The following GLDN variants were observed in gnomAD, a reference collection of about 807,000 sequenced individuals.
GLDN encodes gliomedin, also known as collomin.
Under a neutral mutation model 56.5 loss-of-function variants are expected in GLDN, and 47 were observed. That is an observed-to-expected ratio of 0.83 (90% CI 0.66 to 1.06). GLDN has a LOEUF of 1.06. GLDN is among the 50% of genes least tolerant of loss of function. The pLI is 0.00. For missense variants in GLDN, 782 were observed against 714.3 expected, an observed-to-expected ratio of 1.09 and a Z score of -1.08; for synonymous variants, 332 against 278.8, an observed-to-expected ratio of 1.19 and a Z score of -1.90.
chr15:51,405,010 C>CCCCA lies in GLDN; in HGVS notation c.*256_*257insCCCA, dbSNP rs2038345873. 5 of 360,002 alleles carry CCCCA rather than the reference C, an allele frequency of 1.4e-5. No individual in the cohort carries two copies. Among genetic ancestry groups the CCCCA allele is most frequent in the Non-Finnish European group, 2.5e-5 (5 of 199,168 alleles). 22.3% of individuals were successfully genotyped at this position (360,002 alleles called of 1,614,324 possible). A position where few individuals can be genotyped will look rare whatever the true frequency, so the allele number is the denominator to read the frequency against. On this transcript the variant is annotated 3_prime_UTR_variant, in exon 10 of 10. Transcript: ENST00000335449. ...GGGCCTTAGTTTCCCCATTGGTAATCTGAATTGGCTAAGATGATTGGGGAG... is the reference window on the plus strand; with the variant it reads ...GGGCCTTAGTTTCCCCATTGGTAATCCCCATGAATTGGCTAAGATGATTGGGGAG...
intron 1 of GLDN, among the ~76,000 whole-genome samples, chr15:51,364,149 A>G (rs1200505991): frequency 6.6e-6 from 1 of 152,040 alleles, no homozygotes; most frequent in African/African-American, 2.4e-5. Flanking sequence ...TTTTTTTGCC[A>G]TTGGTACTTC....
intron 3 of GLDN, 51 bp from the exon 4 acceptor site, chr15:51,383,733 TA>T (rs1274536365): frequency 6.0e-6 from 8 of 1,323,242 alleles, no homozygotes; most frequent in East Asian, 2.4e-5. Flanking sequence ...CTTCAGTGAA[TA>T]ATTTTTTTTT....
rs779314976 is a variant in GLDN, at chr15:51,404,436, C to A, written c.1338C>A (p.Ser446Arg). The change falls in exon 10 of 10, where the codon AGC (serine) becomes AGA (arginine). Residue 446 changes from serine (S) to arginine (R), a missense_variant. Transcript: ENST00000335449. ...IIYASSVDGSSILVAQLDERT... is the reference protein window; with the variant it reads ...IIYASSVDGSRILVAQLDERT... ...ATGCGTCAAGTGTGGACGGCTCGAGCATTCTTGTAGCACAACTGGATGAGA... is the reference window on the plus strand; with the variant it reads ...ATGCGTCAAGTGTGGACGGCTCGAGAATTCTTGTAGCACAACTGGATGAGA... 6.2e-7 allele frequency: 1 copy of A among 1,614,134 alleles called. No individual in the cohort carries two copies. Among genetic ancestry groups the A allele is most frequent in the East Asian group, 2.2e-5 (1 of 44,884 alleles).
chr15:51,391,999 G>A (rs1276095725), intron 4 of GLDN, among the ~76,000 whole-genome samples: 4 of 152,206 alleles, frequency 2.6e-5, no homozygotes, highest in Admixed American at 1.3e-4. Flanking sequence ...GTTCACTACA[G>A]TTTTCTTCTA....
At chr15:51,393,495 T>A (rs924734620) in intron 4 of GLDN, among the ~76,000 whole-genome samples, 1 of 152,224 alleles carries the variant, frequency 6.6e-6, no homozygotes, top group African/African-American at 2.4e-5. Flanking sequence ...TAGTGAACAG[T>A]CTGTGAATTC....
At chr15:51,387,851 AC>A (rs145604377) in intron 4 of GLDN, among the ~76,000 whole-genome samples, 1,876 of 152,288 alleles carry the variant, frequency 0.012, 51 homozygotes, top group African/African-American at 0.043. Context: ...TTACTGCCGG[AC>A]ACTCCACTAA....
chr15:51,390,079 G>A (rs746884458), intron 4 of GLDN, among the ~76,000 whole-genome samples: 6 of 152,140 alleles, frequency 3.9e-5, no homozygotes, highest in Admixed American at 3.3e-4. Context: ...TTTGTGTCTC[G>A]GCTCTTCCGC....
downstream of GLDN, among the ~76,000 whole-genome samples, chr15:51,411,044 A>G (rs918477581): frequency 6.6e-6 from 1 of 152,340 alleles, no homozygotes; most frequent in African/African-American, 2.4e-5. Context: ...GGAAGGCATT[A>G]GCTGATGTGA....
At chr15:51,409,881 T>G (rs1010168759), downstream of GLDN, among the ~76,000 whole-genome samples, 1 of 152,170 alleles carries the variant, frequency 6.6e-6, no homozygotes, top group Non-Finnish European at 1.5e-5. Flanking sequence ...AGTGGAAAAA[T>G]TAACTTTGAA....
intron 8 of GLDN, among the ~76,000 whole-genome samples, chr15:51,401,335 G>A (rs1428723067): frequency 6.6e-6 from 1 of 152,232 alleles, no homozygotes; most frequent in Non-Finnish European, 1.5e-5. Flanking sequence ...ATAGAGTGGG[G>A]TGGGAGAGGG....
At chr15:51,383,687 C>T in intron 3 of GLDN, 98 bp from the exon 4 acceptor site, 2 of 1,025,942 alleles carry the variant, frequency 1.9e-6, no homozygotes, top group South Asian at 1.6e-5. Context: ...GGAATTGATG[C>T]CTGCTCAGTT....
At chr15:51,370,581 A>G (rs1297232443) in intron 1 of GLDN, among the ~76,000 whole-genome samples, 2 of 152,262 alleles carry the variant, frequency 1.3e-5, no homozygotes, top group Non-Finnish European at 2.9e-5. Context: ...GTTTGGGTTC[A>G]CACAACACTA....
chr15:51,366,177 G>A (rs1238437480), intron 1 of GLDN, among the ~76,000 whole-genome samples: 1 of 152,202 alleles, frequency 6.6e-6, no homozygotes, highest in East Asian at 1.9e-4. Flanking sequence ...CCGGGGAGAA[G>A]AACAATCCAA....
At chr15:51,400,597 C>A in intron 8 of GLDN, 99 bp downstream of exon 8, 1 of 1,254,776 alleles carries the variant, frequency 8.0e-7, no homozygotes, top group Non-Finnish European at 1.1e-6. Context: ...GTCTGAAATC[C>A]CCGGTAGCTG....
chr15:51,394,113 A>C (rs2038075056), intron 4 of GLDN, among the ~76,000 whole-genome samples: 1 of 152,214 alleles, frequency 6.6e-6, no homozygotes, highest in African/African-American at 2.4e-5. Context: ...ATGACTGCCT[A>C]GCCTACCACT....
chr15:51,396,132 T>TA (rs995992059), intron 5 of GLDN, among the ~76,000 whole-genome samples: 13 of 152,242 alleles, frequency 8.5e-5, no homozygotes, highest in Admixed American at 7.8e-4. Context: ...CCCCTCCCCT[T>TA]AACCACCTCC....
intron 1 of GLDN, among the ~76,000 whole-genome samples, chr15:51,365,775 A>G (rs1437034235): frequency 1.3e-5 from 2 of 151,340 alleles, no homozygotes; most frequent in African/African-American, 4.9e-5. Flanking sequence ...AAAATCTTTC[A>G]TTCTTGGGTT....
chr15:51,387,088 G>A (rs2141108472), intron 4 of GLDN, among the ~76,000 whole-genome samples: 1 of 152,184 alleles, frequency 6.6e-6, no homozygotes, highest in Non-Finnish European at 1.5e-5. Flanking sequence ...GAGAGAGCTT[G>A]GCAGGAGAGG....
chr15:51,363,704 T>C (rs75218105), intron 1 of GLDN, among the ~76,000 whole-genome samples: 2,222 of 152,262 alleles, frequency 0.015, 52 homozygotes, highest in African/African-American at 0.051. Context: ...CAGGAAGCGT[T>C]TCGAGAAGGA....
Sources: allele counts gnomAD v4.1 joint callset (sites outside exome capture counted in the v4.1 genomes callset), GRCh38; gene constraint gnomAD v4.1.1; transcripts MANE v1.5; gene names NCBI Gene and HGNC (gene_info 2026-07-23, HGNC 2026-07-21).